The following VAV3 variants were observed in gnomAD, a reference collection of about 807,000 sequenced individuals.
VAV3 encodes guanine nucleotide exchange factor VAV3.
VAV3 carries 94 observed loss-of-function variants against 131.2 expected under a neutral mutation model. The observed-to-expected ratio is 0.72, with a 90% CI of 0.61 to 0.85. The LOEUF (loss-of-function observed/expected upper bound fraction) is 0.85. VAV3 is among the 40% of genes least tolerant of loss of function. VAV3 has a pLI of 0.00. For synonymous variants in VAV3, 349 were observed against 342.0 expected, an observed-to-expected ratio of 1.02 and a Z score of -0.22; for missense variants, 939 against 1,002.7, an observed-to-expected ratio of 0.94 and a Z score of 0.86.
At chr1:107,609,473 T>G (rs1243288706) in intron 22 of VAV3, 1 of 152,254 alleles carries the variant, frequency 6.6e-6, no homozygotes, top group African/African-American at 2.4e-5. Context: ...AGTTCAAGGC[T>G]GCAATGGGTT....
At chr1:107,868,561 C>G (rs952937782) in intron 2 of VAV3, among the ~76,000 whole-genome samples, 41 of 152,114 alleles carry the variant, frequency 2.7e-4, no homozygotes, top group African/African-American at 9.9e-4. Context: ...ACCTCAAGAT[C>G]GATGATATTT....
intron 20 of VAV3, among the ~76,000 whole-genome samples, chr1:107,631,475 TTTATTTTA>T (rs1318953387): frequency 1.6e-5 from 1 of 63,724 alleles, no homozygotes; most frequent in Non-Finnish European, 4.0e-5. Context: ...CTTTTTTAAT[TTTATTTTA>T]TTATTATTAT....
intron 20 of VAV3, among the ~76,000 whole-genome samples, chr1:107,634,489 T>A (rs1654751035): frequency 6.6e-6 from 1 of 152,124 alleles, no homozygotes; most frequent in Non-Finnish European, 1.5e-5. Context: ...GATTAAAGAC[T>A]TACATGTTAG....
At chr1:107,892,400 C>G (rs1176754661) in intron 1 of VAV3, among the ~76,000 whole-genome samples, 1 of 152,182 alleles carries the variant, frequency 6.6e-6, no homozygotes, top group South Asian at 2.1e-4. Context: ...AGAAGACAGG[C>G]CTTTTCCCAA....
At chr1:107,898,216 T>C (rs1159337332) in intron 1 of VAV3, among the ~76,000 whole-genome samples, 1 of 152,192 alleles carries the variant, frequency 6.6e-6, no homozygotes, top group Non-Finnish European at 1.5e-5. Flanking sequence ...CATGTATACA[T>C]GTAGGGAATT....
intron 15 of VAV3, among the ~76,000 whole-genome samples, chr1:107,726,519 C>T (rs1217611193): frequency 6.6e-6 from 1 of 151,920 alleles, no homozygotes; most frequent in Non-Finnish European, 1.5e-5. Flanking sequence ...CATAATAACG[C>T]TCTGGCTTCT....
At chr1:107,824,324 C>T (rs892639680) in intron 2 of VAV3, among the ~76,000 whole-genome samples, 11 of 152,086 alleles carry the variant, frequency 7.2e-5, no homozygotes, top group South Asian at 2.1e-4. Context: ...TGATAACTAA[C>T]GGGGGAATAT....
intron 20 of VAV3, among the ~76,000 whole-genome samples, chr1:107,621,819 C>T (rs191747525): frequency 4.4e-4 from 67 of 152,112 alleles, no homozygotes; most frequent in Non-Finnish European, 8.5e-4. Context: ...CTCTCTCATA[C>T]TTAGGTGTCA....
At chr1:107,940,682 T>C (rs1470336535) in intron 1 of VAV3, among the ~76,000 whole-genome samples, 1 of 152,192 alleles carries the variant, frequency 6.6e-6, no homozygotes, top group Non-Finnish European at 1.5e-5. Context: ...GGCTACAACA[T>C]GGATAAACCT....
chr1:107,818,792 A>C (rs560398848), intron 2 of VAV3, among the ~76,000 whole-genome samples: 1 of 152,342 alleles, frequency 6.6e-6, no homozygotes, highest in East Asian at 1.9e-4. Context: ...CCAGGTCTCT[A>C]GATAACTGGT....
At chr1:107,598,216 T>C (rs369558850) in intron 24 of VAV3, among the ~76,000 whole-genome samples, 1 of 151,862 alleles carries the variant, frequency 6.6e-6, no homozygotes. Context: ...GTTAGCCAGG[T>C]GTGGTGGCAG....
intron 19 of VAV3, among the ~76,000 whole-genome samples, chr1:107,660,892 G>T (rs989844911): frequency 6.6e-6 from 1 of 152,054 alleles, no homozygotes; most frequent in Non-Finnish European, 1.5e-5. Context: ...CAAACCAAAA[G>T]GACATAATCT....
At chr1:107,709,218 G>C (rs1379089005) in intron 15 of VAV3, among the ~76,000 whole-genome samples, 1 of 152,172 alleles carries the variant, frequency 6.6e-6, no homozygotes, top group East Asian at 1.9e-4. Context: ...ACTGACCTGT[G>C]TGGAGGGTGC....
intron 20 of VAV3, among the ~76,000 whole-genome samples, chr1:107,634,977 C>T (rs1373683126): frequency 2.0e-5 from 3 of 151,640 alleles, no homozygotes; most frequent in East Asian, 2.0e-4. Context: ...ACAACAGGTG[C>T]TGGAGAGGAT....
intron 15 of VAV3, among the ~76,000 whole-genome samples, chr1:107,726,725 C>T (rs944866492): frequency 6.6e-6 from 1 of 152,154 alleles, no homozygotes; most frequent in Non-Finnish European, 1.5e-5. Flanking sequence ...TGCAAGCAAT[C>T]CCTTCATTTA....
chr1:107,760,725 C>T, intron 10 of VAV3, 59 bp downstream of exon 10: 1 of 1,343,104 alleles, frequency 7.4e-7, no homozygotes, highest in Non-Finnish European at 1.1e-6. Flanking sequence ...GTTGATGCTT[C>T]ATTAATATTT....
At chr1:107,727,362 T>C (rs1172370304) in intron 15 of VAV3, among the ~76,000 whole-genome samples, 2 of 152,240 alleles carry the variant, frequency 1.3e-5, no homozygotes, top group East Asian at 1.9e-4. Flanking sequence ...CAATTAAATC[T>C]TGGAATCTTG....
intron 2 of VAV3, among the ~76,000 whole-genome samples, chr1:107,820,603 C>T (rs1667758054): frequency 6.6e-6 from 1 of 151,818 alleles, no homozygotes; most frequent in Non-Finnish European, 1.5e-5. Context: ...TAAAAAATAA[C>T]TAAAAGTATA....
Position 107,680,726 on chromosome 1 carries a change from C to T in VAV3, c.1777+2762G>A, listed in dbSNP as rs531218992. Among the ~76,000 whole-genome samples, 7 of 152,200 alleles carry T rather than the reference C, an allele frequency of 4.6e-5. 1 individual carries two copies. Among genetic ancestry groups the T allele is most frequent in the African/African-American group, 7.2e-5 (3 of 41,538 alleles). ...CGCGCCTGGCCTACATATATTAGCT[C>T]ACGTAATGCTCACAACAACAACGTA... On this transcript the variant is annotated intron_variant, in intron 19 of 26. Transcript: ENST00000370056.
Sources: allele counts gnomAD v4.1 joint callset (sites outside exome capture counted in the v4.1 genomes callset), GRCh38; gene constraint gnomAD v4.1.1; transcripts MANE v1.5; gene names NCBI Gene and HGNC (gene_info 2026-07-23, HGNC 2026-07-21).